Variants in MYO7B observed in about 807,000 individuals in gnomAD.
The protein encoded by MYO7B is myosin VIIB.
A neutral mutation model predicts 259.7 loss-of-function variants in MYO7B; 212 were observed. The ratio of observed to expected loss-of-function variants is 0.82; its 90% CI spans 0.73 to 0.91. The LOEUF (loss-of-function observed/expected upper bound fraction) is 0.91, where lower values mean the gene tolerates loss of function less well. MYO7B is among the 40% of genes least tolerant of loss of function. The pLI is 0.00. For missense variants in MYO7B, 2,732 were observed against 2,813.5 expected (o/e 0.97, Z 0.66); for synonymous variants, 1,197 against 1,166.4 (o/e 1.03, Z -0.54).
rs1293595755 is a variant in MYO7B at position 127,627,188 on chromosome 2, C to T, written c.4338C>T (p.Pro1446=). 2 of 1,608,286 alleles carry T rather than the reference C, an allele frequency of 1.2e-6. No individual in the cohort carries two copies. The highest frequency in any genetic ancestry group is 3.4e-5 in the Admixed American group (2 of 59,126). Residue 1446 remains proline, a synonymous_variant, in exon 33 of 48, where the codon CCC becomes CCT. Coordinates refer to ENST00000409816, the MANE Select transcript of MYO7B (RefSeq NM_001393586.1). The surrounding 1 kb of genome is among the most constrained non-coding windows in gnomAD (Gnocchi z 5.6). ...RLFEVITLSG[P]RLPKTQLILA... ...ACTGCCGTCTCTCCTGGCCAGGCCC[C>T]CGCCTGCCCAAGACGCAGCTGATCT...
At position 127,613,033 on chromosome 2, in the gene MYO7B, C is replaced by A. The variant is rs973922019; in HGVS notation, c.3398+430C>A. On this transcript the variant is annotated intron_variant, in intron 26 of 47. Coordinates refer to ENST00000409816, the MANE Select transcript of MYO7B (RefSeq NM_001393586.1). This position sits in a 1 kb window ranked among gnomAD's most constrained non-coding sequence, Gnocchi z 4.3. ...TGGCTGAATGCGTAGAAGCAGAATC[C>A]GAACATGCAGAGACTGATTGTTCAC... Among the ~76,000 whole-genome samples the A allele has an allele frequency of 1.3e-5, 2 of 152,210 alleles. No homozygotes were observed. The highest frequency in any genetic ancestry group is 3.8e-4 in the East Asian group (2 of 5,204).
intron 39 of MYO7B, 56 bp downstream of exon 39, chr2:127,632,457 G>A: frequency 6.7e-7 from 1 of 1,490,128 alleles, no homozygotes; most frequent in Non-Finnish European, 8.9e-7. Context: ...GACCTGGGAT[G>A]CTGTGGGGCC....
Position 127,584,210 on chromosome 2 carries a change from C to T in MYO7B, c.1432C>T (p.Arg478Cys), listed in dbSNP as rs746922996. The change falls in exon 13 of 48, where the codon CGC (arginine) becomes TGC (cysteine). Residue 478 changes from arginine to cysteine, a missense_variant. Physicochemically the swap from Arg to Cys is radical, Grantham distance 180. Coordinates refer to ENST00000409816, the MANE Select transcript of MYO7B (RefSeq NM_001393586.1). The surrounding 1 kb of genome is among the most constrained non-coding windows in gnomAD (Gnocchi z 5.8). ...HVFTMEQEEY[R>C]SENISWDYIH... is the part of the protein sequence containing the mutation. ...GTTCACCATGGAGCAAGAGGAGTAC[C>T]GCTCGGAGAACATCTCCTGGGACTA... The T allele has an allele frequency of 5.3e-5, 86 of 1,613,844 alleles. No individual in the cohort carries two copies. The highest frequency in any genetic ancestry group is 4.2e-4 in the South Asian group (38 of 91,084).
chr2:127,637,374 A>G lies in MYO7B; in HGVS notation c.6386A>G (p.Asn2129Ser). Residue 2129 changes from asparagine (N) to serine (S), a missense_variant, in exon 48 of 48, where the codon AAC becomes AGC. Asn to Ser is a conservative substitution (Grantham distance 46, BLOSUM62 1). Coordinates refer to ENST00000409816, the MANE Select transcript of MYO7B (RefSeq NM_001393586.1). ...GTGCAGCAGCTCCTGAGTGCCATGAACAAGCAGCGGGGCTCCAAGGCCCCA... is the reference window on the plus strand; with the variant it reads ...GTGCAGCAGCTCCTGAGTGCCATGAGCAAGCAGCGGGGCTCCAAGGCCCCA... ...SYVQQLLSAM[N>S]KQRGSKAPAL... is the part of the protein sequence containing the mutation. 1.3e-6 allele frequency: 2 copies of G among 1,585,942 alleles called. No individual in the cohort carries two copies. The highest frequency in any genetic ancestry group is 1.2e-5 in the South Asian group (1 of 86,710).
chr2:127,554,340 C>A (rs1185056346), intron 1 of MYO7B, among the ~76,000 whole-genome samples: 1 of 152,226 alleles, frequency 6.6e-6, no homozygotes, highest in Non-Finnish European at 1.5e-5. Flanking sequence ...TCCCAAAGTA[C>A]TGGGATTACA....
Position 127,552,468 on chromosome 2 carries a change from G to C in MYO7B, c.-23-7232G>C, listed in dbSNP as rs141916346. The stretch of plus-strand genomic sequence containing the variant: ...GTGAGGAGGGGCGGTGGAGGCCACA[G>C]CTTCTGAAGCGGAGCAGTTCTGGGC... On this transcript the variant is annotated intron_variant, in intron 1 of 47. Transcript: ENST00000409816. Among the ~76,000 whole-genome samples the C allele has an allele frequency of 7.9e-3, 1,199 of 152,282 alleles. 19 individuals are homozygous for C. The highest frequency in any genetic ancestry group is 0.027 in the African/African-American group (1,128 of 41,544).
chr2:127,560,834 C>A (rs1678055063), intron 2 of MYO7B, among the ~76,000 whole-genome samples: 2 of 152,214 alleles, frequency 1.3e-5, no homozygotes, highest in South Asian at 4.1e-4. Context: ...TTCCTGGCTG[C>A]TGGAGCACAC....
At chr2:127,630,535 G>A (rs1002060757) in intron 35 of MYO7B, among the ~76,000 whole-genome samples, 1 of 152,134 alleles carries the variant, frequency 6.6e-6, no homozygotes, top group African/African-American at 2.4e-5. Flanking sequence ...CCCCCAGAAC[G>A]GGTGATGTGG....
intron 2 of MYO7B, among the ~76,000 whole-genome samples, chr2:127,561,848 C>T (rs538796183): frequency 1.1e-4 from 16 of 152,280 alleles, no homozygotes; most frequent in African/African-American, 3.8e-4. Context: ...CAGACATTTG[C>T]GTTCTCACAG....
rs1680799892 is a variant in MYO7B, at chr2:127,620,633, C to T, written c.3525+167C>T. The stretch of plus-strand genomic sequence containing the variant: ...CTATGCTTCTCCAGGACTCAGTTTC[C>T]CCATCTGGAAAAGAGGACCCTGCTC... On this transcript the variant is annotated intron_variant, in intron 27 of 47. Coordinates refer to ENST00000409816, the MANE Select transcript of MYO7B (RefSeq NM_001393586.1). 1.3e-5 allele frequency among the ~76,000 whole-genome samples: 2 copies of T among 152,236 alleles called. 1 individual carries two copies. The highest frequency in any genetic ancestry group is 4.1e-4 in the South Asian group (2 of 4,830).
At chr2:127,579,897 C>T (rs1163669704) in intron 9 of MYO7B, among the ~76,000 whole-genome samples, 2 of 152,142 alleles carry the variant, frequency 1.3e-5, no homozygotes, top group African/African-American at 2.4e-5. Flanking sequence ...ACTAACATAA[C>T]ATTTAAAAGC....
chr2:127,608,861 G>A lies in MYO7B; in HGVS notation c.2797G>A (p.Ala933Thr), dbSNP rs1386455661. ...PAMIGGQEGQ[A>T]SPHFEDLESK... Reference sequence around the variant, plus strand: ...CATGATTGGGGGCCAGGAGGGCCAGGCCTCGCCGCACTTTGAGGTAACACA... The same window carrying A: ...CATGATTGGGGGCCAGGAGGGCCAGACCTCGCCGCACTTTGAGGTAACACA... The change falls in exon 22 of 48, where the codon GCC (alanine) becomes ACC (threonine). Residue 933 changes from alanine (A) to threonine (T), a missense_variant. This residue lies in a region of MYO7B where 1,906 missense variants were observed against 2,026.4 expected (regional missense o/e 0.94). Coordinates refer to ENST00000409816, the MANE Select transcript of MYO7B (RefSeq NM_001393586.1). The A allele has an allele frequency of 1.2e-6, 2 of 1,612,946 alleles. No individual in the cohort carries two copies. Among genetic ancestry groups the A allele is most frequent in the Non-Finnish European group, 1.7e-6 (2 of 1,179,666 alleles).
At chr2:127,572,131 A>G (rs1315028296) in intron 6 of MYO7B, among the ~76,000 whole-genome samples, 1 of 152,216 alleles carries the variant, frequency 6.6e-6, no homozygotes, top group East Asian at 1.9e-4. Flanking sequence ...AGAAAAAAAG[A>G]CTTTTGGCTG....
In MYO7B at chr2:127,620,407, G is replaced by A. The variant is rs769504750; in HGVS notation, c.3466G>A (p.Gly1156Ser). 5.6e-6 allele frequency: 9 copies of A among 1,612,188 alleles called. No individual in the cohort carries two copies. The East Asian group carries it at 2.0e-4, about 36-fold the overall frequency. The change falls in exon 27 of 48, where the codon GGC (glycine) becomes AGC (serine). Residue 1156 changes from glycine (G) to serine (S), a missense_variant. This residue lies in a region of MYO7B where 1,906 missense variants were observed against 2,026.4 expected (regional missense o/e 0.94). Coordinates refer to ENST00000409816, the MANE Select transcript of MYO7B (RefSeq NM_001393586.1). ...CTTCAAAACAAGCAGCCTGGCCCGG[G>A]GCTGGATCCTGCTCAGCCTCTGCCT... ...ENFKTSSLARGWILLSLCLGC... is the reference protein window; with the variant it reads ...ENFKTSSLARSWILLSLCLGC...
Position 127,636,369 on chromosome 2 carries a change from G to A in MYO7B, c.6123+45G>A, listed in dbSNP as rs111619790. ...AGGGCCTCCTACCCAAGCAGGCTCC[G>A]CTCAGCCCAGCCCCAGCAGGCCCAG... On this transcript the variant is annotated intron_variant, in intron 45 of 47. Transcript: ENST00000409816. This position sits in a 1 kb window ranked among gnomAD's most constrained non-coding sequence, Gnocchi z 4.5. 2.2e-5 allele frequency: 35 copies of A among 1,557,900 alleles called. No homozygotes were observed. Among genetic ancestry groups the A allele is most frequent in the African/African-American group, 2.2e-4 (16 of 73,820 alleles).
rs770035144 is a variant in MYO7B at position 127,635,166 on chromosome 2, G to A, written c.5760G>A (p.Leu1920=). 88 of 1,613,574 alleles carry A rather than the reference G, an allele frequency of 5.5e-5. No individual in the cohort carries two copies. The highest frequency in any genetic ancestry group is 7.1e-5 in the Non-Finnish European group (84 of 1,179,788). Residue 1920 remains leucine, a synonymous_variant, in exon 43 of 48, where the codon TTG becomes TTA. Coordinates refer to ENST00000409816, the MANE Select transcript of MYO7B (RefSeq NM_001393586.1). ...LPYQVYFMRK[L]WLNISPGKDV... ...ACCAGGTGTACTTCATGCGGAAATT[G>A]TGGCTCAACATATCTCCAGGGAAGG...
intron 2 of MYO7B, among the ~76,000 whole-genome samples, chr2:127,560,297 G>A (rs1016012883): frequency 3.3e-5 from 5 of 152,130 alleles, no homozygotes; most frequent in African/African-American, 1.2e-4. Flanking sequence ...AAAGTGCTGG[G>A]TGTGAGCCAC....
chr2:127,596,078 T>C (rs2104988624), intron 18 of MYO7B, among the ~76,000 whole-genome samples: 1 of 152,316 alleles, frequency 6.6e-6, no homozygotes, highest in Admixed American at 6.5e-5. Flanking sequence ...CCCACTATTA[T>C]TGAGGGTAAC....
chr2:127,580,885 AC>A (rs1335861661), intron 10 of MYO7B, 63 bp downstream of exon 10: 14 of 1,444,134 alleles, frequency 9.7e-6, no homozygotes, highest in Non-Finnish European at 1.3e-5. Flanking sequence ...GGGCTGACAG[AC>A]CCCTGACACC....
Sources: gnomAD v4.1 joint callset for allele counts (sites outside exome capture counted in the v4.1 genomes callset) on GRCh38, gnomAD v4.1.1 for gene constraint, gnomAD v4.1.1 regional missense constraint, Gnocchi (gnomAD v3.1) non-coding constraint, MANE v1.5 for transcripts, NCBI Gene and HGNC (gene_info 2026-07-23, HGNC 2026-07-21) for gene names.